Variants in CAMTA1 observed in about 807,000 individuals in gnomAD.
CAMTA1 encodes the protein calmodulin binding transcription activator 1.
CAMTA1 carries 27 observed loss-of-function variants against 170.9 expected under a neutral mutation model. The observed-to-expected ratio is 0.16, with a 90% CI of 0.12 to 0.22. CAMTA1 has a LOEUF of 0.22. CAMTA1 is among the 10% of genes least tolerant of loss of function. The pLI, the probability that CAMTA1 is intolerant of heterozygous loss-of-function variation, is 1.00. For missense variants in CAMTA1, 1,619 were observed against 2,217.2 expected, an observed-to-expected ratio of 0.73 and a Z score of 5.42; for synonymous variants, 833 against 891.5, an observed-to-expected ratio of 0.93 and a Z score of 1.17.
chr1:7,514,763 G>T (rs1199128459), intron 6 of CAMTA1, among the ~76,000 whole-genome samples: 1 of 152,166 alleles, frequency 6.6e-6, no homozygotes, highest in Admixed American at 6.5e-5. Context: ...TGGTCCTGGT[G>T]CAGACATCCA....
chr1:6,809,276 C>T (rs1205001711), intron 1 of CAMTA1, among the ~76,000 whole-genome samples: 1 of 152,124 alleles, frequency 6.6e-6, no homozygotes, highest in South Asian at 2.1e-4. Context: ...ATCCGCTCAC[C>T]TTGACCTCCC....
intron 5 of CAMTA1, among the ~76,000 whole-genome samples, chr1:7,394,636 C>T (rs1043081895): frequency 3.3e-5 from 5 of 152,016 alleles, no homozygotes; most frequent in Admixed American, 6.6e-5. Flanking sequence ...TCCTATTCTG[C>T]AGCTTGTCTT....
At chr1:7,291,587 C>T (rs2149503992) in intron 5 of CAMTA1, among the ~76,000 whole-genome samples, 1 of 152,378 alleles carries the variant, frequency 6.6e-6, no homozygotes, top group East Asian at 1.9e-4. Context: ...GGGAGATCCC[C>T]TCTGGGTGTT....
chr1:7,006,465 C>G (rs1258698969), intron 3 of CAMTA1, among the ~76,000 whole-genome samples: 1 of 151,986 alleles, frequency 6.6e-6, no homozygotes, highest in Non-Finnish European at 1.5e-5. Context: ...GGAAAAAAAC[C>G]CAAGCAGCCC....
At chr1:6,973,879 C>T (rs1394824855) in intron 3 of CAMTA1, among the ~76,000 whole-genome samples, 1 of 152,186 alleles carries the variant, frequency 6.6e-6, no homozygotes, top group Admixed American at 6.5e-5. Context: ...GCCTCCTGCC[C>T]CACCTTCCCA....
At chr1:6,932,691 C>T (rs1181366240) in intron 3 of CAMTA1, among the ~76,000 whole-genome samples, 1 of 152,170 alleles carries the variant, frequency 6.6e-6, no homozygotes, top group South Asian at 2.1e-4. Context: ...GCCATTCTAA[C>T]AGGCATGTGG....
At chr1:7,342,167 G>A (rs184558670) in intron 5 of CAMTA1, among the ~76,000 whole-genome samples, 36 of 152,282 alleles carry the variant, frequency 2.4e-4, no homozygotes, top group African/African-American at 7.9e-4. Flanking sequence ...ATCTGGGAGC[G>A]GTCCCAGGTC....
At chr1:7,546,363 A>G (rs1017103596) in intron 6 of CAMTA1, among the ~76,000 whole-genome samples, 4 of 152,184 alleles carry the variant, frequency 2.6e-5, no homozygotes, top group African/African-American at 7.2e-5. Flanking sequence ...ATAGTATTCA[A>G]TGGTGTATAT....
At chr1:7,704,181 G>A (rs2096477152) in intron 11 of CAMTA1, among the ~76,000 whole-genome samples, 1 of 148,812 alleles carries the variant, frequency 6.7e-6, no homozygotes, top group African/African-American at 2.4e-5. Context: ...AGGGCGCGCC[G>A]GGGCCGCGCA....
intron 4 of CAMTA1, among the ~76,000 whole-genome samples, chr1:7,172,002 A>G (rs750035187): frequency 1.3e-5 from 2 of 152,190 alleles, no homozygotes; most frequent in African/African-American, 2.4e-5. Context: ...TTGTTTATCC[A>G]TTCATCTGCT....
chr1:6,836,687 A>G (rs1194752630), intron 3 of CAMTA1, among the ~76,000 whole-genome samples: 1 of 152,148 alleles, frequency 6.6e-6, no homozygotes, highest in Non-Finnish European at 1.5e-5. Flanking sequence ...GGCAAGCTTC[A>G]TTTGGCCCTG....
chr1:7,483,412 G>A (rs561181826), intron 6 of CAMTA1, among the ~76,000 whole-genome samples: 4 of 152,312 alleles, frequency 2.6e-5, no homozygotes, highest in African/African-American at 4.8e-5. Flanking sequence ...AGCCTGGGCC[G>A]GAGGGAGACC....
intron 3 of CAMTA1, among the ~76,000 whole-genome samples, chr1:7,026,372 G>A (rs1280357112): frequency 2.6e-5 from 4 of 152,038 alleles, no homozygotes; most frequent in East Asian, 3.9e-4. Flanking sequence ...TCCGTGGCAC[G>A]GCCTCATGTG....
intron 10 of CAMTA1, among the ~76,000 whole-genome samples, chr1:7,676,993 G>T (rs1391053414): frequency 6.6e-6 from 1 of 152,120 alleles, no homozygotes; most frequent in African/African-American, 2.4e-5. Flanking sequence ...CTTACTGTCG[G>T]GCCACTGGAG....
intron 3 of CAMTA1, among the ~76,000 whole-genome samples, chr1:7,070,135 CCAGCCTCAGGGGCTGCA>C (rs1336951252): frequency 1.3e-5 from 2 of 152,216 alleles, no homozygotes; most frequent in African/African-American, 4.8e-5. Flanking sequence ...TCCGGAGCCG[CCAGCCTCAGGGGCTGCA>C]CTGGCCTCTC....
intron 5 of CAMTA1, among the ~76,000 whole-genome samples, chr1:7,420,596 C>T (rs1412080404): frequency 2.0e-5 from 3 of 152,114 alleles, no homozygotes; most frequent in African/African-American, 7.2e-5. Context: ...CCACCAGCTT[C>T]TCCACAGAGC....
chr1:7,340,237 T>A (rs1031048114), intron 5 of CAMTA1, among the ~76,000 whole-genome samples: 1 of 152,186 alleles, frequency 6.6e-6, no homozygotes, highest in Non-Finnish European at 1.5e-5. Flanking sequence ...ACAGTTATAG[T>A]GTGCCAATTG....
intron 4 of CAMTA1, among the ~76,000 whole-genome samples, chr1:7,133,516 G>A (rs150895113): frequency 1.1e-4 from 17 of 152,104 alleles, no homozygotes. Context: ...GAGCTTCTCA[G>A]AGAGCCACCG....
chr1:7,373,645 T>C (rs2086643444), intron 5 of CAMTA1, among the ~76,000 whole-genome samples: 1 of 152,350 alleles, frequency 6.6e-6, no homozygotes, highest in Non-Finnish European at 1.5e-5. Context: ...TTTTTTGCCT[T>C]GTGGGGAAAC....
Sources: allele counts gnomAD v4.1 joint callset (sites outside exome capture counted in the v4.1 genomes callset), GRCh38; gene constraint gnomAD v4.1.1; transcripts MANE v1.5; gene names NCBI Gene and HGNC (gene_info 2026-07-23, HGNC 2026-07-21).